The following MRPL48 variants were observed in gnomAD, a reference collection of about 807,000 sequenced individuals.
MRPL48 encodes large ribosomal subunit protein mL48.
A neutral mutation model predicts 32.9 loss-of-function variants in MRPL48; 16 were observed. That is an observed-to-expected ratio of 0.49 (90% CI 0.33 to 0.74). The LOEUF (loss-of-function observed/expected upper bound fraction) is 0.74, where lower values mean the gene tolerates loss of function less well. MRPL48 is among the 30% of genes least tolerant of loss of function. The pLI is 0.02. For synonymous variants in MRPL48, 94 were observed against 89.2 expected, an observed-to-expected ratio of 1.05 and a Z score of -0.31; for missense variants, 206 against 245.3, an observed-to-expected ratio of 0.84 and a Z score of 1.07.
At chr11:73,802,040 G>T (rs977005711) in intron 1 of MRPL48, 1 of 152,116 alleles carries the variant, frequency 6.6e-6, no homozygotes, top group African/African-American at 2.4e-5. Flanking sequence ...GAAGTAGTAG[G>T]CAAACTCTTT....
At chr11:73,835,341 C>A (rs1484278286) in intron 4 of MRPL48, among the ~76,000 whole-genome samples, 1 of 151,620 alleles carries the variant, frequency 6.6e-6, no homozygotes, top group East Asian at 2.0e-4. Context: ...GGAGTTTCAC[C>A]ATTTTGGCTA....
At chr11:73,824,158 C>T (rs1348148078) in intron 3 of MRPL48, among the ~76,000 whole-genome samples, 2 of 151,990 alleles carry the variant, frequency 1.3e-5, no homozygotes, top group East Asian at 1.9e-4. Flanking sequence ...CTGGCCAAGA[C>T]CCTATTTTTT....
intron 4 of MRPL48, among the ~76,000 whole-genome samples, chr11:73,826,071 G>T (rs1201444913): frequency 1.3e-5 from 2 of 151,908 alleles, no homozygotes; most frequent in African/African-American, 4.8e-5. Flanking sequence ...AGGCTGGAGT[G>T]CAGTGCATGA....
chr11:73,794,158 C>T (rs574069321), intron 1 of MRPL48, among the ~76,000 whole-genome samples: 3 of 151,506 alleles, frequency 2.0e-5, no homozygotes, highest in African/African-American at 7.3e-5. Flanking sequence ...TACAGCACTC[C>T]AGCCTGGGTA....
intron 1 of MRPL48, among the ~76,000 whole-genome samples, chr11:73,794,184 GTATCTATC>G (rs56944899): frequency 8.2e-4 from 114 of 139,294 alleles, no homozygotes; most frequent in South Asian, 5.4e-3. Flanking sequence ...GTGAGACCCT[GTATCTATC>G]TATCTATCTA....
intron 5 of MRPL48, among the ~76,000 whole-genome samples, chr11:73,845,913 C>T (rs1215868267): frequency 6.6e-6 from 1 of 151,712 alleles, no homozygotes; most frequent in Non-Finnish European, 1.5e-5. Flanking sequence ...ACTAAAAATA[C>T]AAAAATTAGC....
chr11:73,850,674 T>C, intron 5 of MRPL48: 1 of 249,512 alleles, frequency 4.0e-6, no homozygotes, highest in South Asian at 4.1e-5. Flanking sequence ...GTCTGGGCTA[T>C]ACAATTTTTT....
chr11:73,788,233 G>A (rs1947080289), intron 1 of MRPL48, among the ~76,000 whole-genome samples: 2 of 152,090 alleles, frequency 1.3e-5, no homozygotes, highest in African/African-American at 4.8e-5. Flanking sequence ...CACACCACAT[G>A]CCACTCTCTC....
intron 3 of MRPL48, 23 bp downstream of exon 3, chr11:73,808,373 A>AG: frequency 6.3e-7 from 1 of 1,598,562 alleles, no homozygotes; most frequent in Non-Finnish European, 8.5e-7. Context: ...TACCTGATGT[A>AG]GTTGGCCTGC....
chr11:73,790,942 G>A (rs1947141183), intron 1 of MRPL48, among the ~76,000 whole-genome samples: 1 of 139,674 alleles, frequency 7.2e-6, no homozygotes, highest in Admixed American at 7.8e-5. Context: ...CTGTAGTGCA[G>A]TAGCACAATC....
intron 4 of MRPL48, among the ~76,000 whole-genome samples, chr11:73,834,980 C>T (rs1343850703): frequency 2.0e-5 from 3 of 150,074 alleles, no homozygotes; most frequent in South Asian, 2.1e-4. Flanking sequence ...CACAGGTACA[C>T]GCCATCACAC....
intron 3 of MRPL48, among the ~76,000 whole-genome samples, chr11:73,823,253 C>T (rs1947814449): frequency 6.6e-6 from 1 of 152,160 alleles, no homozygotes; most frequent in Non-Finnish European, 1.5e-5. Flanking sequence ...CTGACTTAGA[C>T]TTCTTCACAC....
At chr11:73,799,962 G>A (rs1246376239) in intron 1 of MRPL48, among the ~76,000 whole-genome samples, 4 of 152,134 alleles carry the variant, frequency 2.6e-5, no homozygotes, top group African/African-American at 4.8e-5. Flanking sequence ...AAGAATAGAA[G>A]GGATGGACTT....
intron 3 of MRPL48, among the ~76,000 whole-genome samples, chr11:73,810,404 C>T (rs1375513984): frequency 6.6e-6 from 1 of 152,088 alleles, no homozygotes; most frequent in East Asian, 1.9e-4. Context: ...GCCTGTAATC[C>T]CAGCTACTCG....
At chr11:73,844,419 G>C (rs995956221) in intron 4 of MRPL48, among the ~76,000 whole-genome samples, 2 of 152,218 alleles carry the variant, frequency 1.3e-5, no homozygotes, top group African/African-American at 4.8e-5. Context: ...GTGACAGGGT[G>C]AGACTGTCTC....
At position 73,844,946 on chromosome 11, in the gene MRPL48, G is replaced by A; in HGVS notation, c.341G>A (p.Cys114Tyr). The change falls in exon 5 of 8, where the codon TGC becomes TAC. Residue 114 changes from cysteine to tyrosine, a missense_variant. Physicochemically the swap from Cys to Tyr is radical, Grantham distance 194 (BLOSUM62 -2). Coordinates refer to ENST00000310614, the MANE Select transcript of MRPL48 (RefSeq NM_016055.6). ...TATGCCCAGTATGTTCACAACCTCT[G>A]CAACTCTCTCTCCATTAAAGTCGAG... The part of the protein sequence containing the change: ...ESYAQYVHNL[C>Y]NSLSIKVEES... 6.2e-7 allele frequency: 1 copy of A among 1,610,990 alleles called. No homozygotes were observed. Among genetic ancestry groups the A allele is most frequent in the Non-Finnish European group, 8.5e-7 (1 of 1,178,080 alleles).
chr11:73,830,124 C>T (rs1315915488), intron 4 of MRPL48, among the ~76,000 whole-genome samples: 1 of 152,170 alleles, frequency 6.6e-6, no homozygotes, highest in Non-Finnish European at 1.5e-5. Context: ...GGGTAGAAGT[C>T]TCAGTTTTCT....
intron 3 of MRPL48, among the ~76,000 whole-genome samples, chr11:73,809,098 T>C (rs1947518704): frequency 6.6e-6 from 1 of 152,136 alleles, no homozygotes; most frequent in Non-Finnish European, 1.5e-5. Flanking sequence ...ACTGTGCCAC[T>C]GCACTGCAGC....
In MRPL48 at chr11:73,854,230, C is replaced by T. The variant is rs561141783; in HGVS notation, c.372-5677C>T. On this transcript the variant is annotated intron_variant, in intron 5 of 7. Transcript: ENST00000310614. ...GCCACATAGCTAAGTTTCTGGTTCC[C>T]CCACAGTTGGTGTGTTCACATAAGA... 2.6e-4 allele frequency among the ~76,000 whole-genome samples: 39 copies of T among 152,292 alleles called. No individual in the cohort carries two copies. In the South Asian group the frequency reaches 7.9e-3, roughly 31 times the overall value.
Sources: gnomAD v4.1 joint callset for allele counts (sites outside exome capture counted in the v4.1 genomes callset) on GRCh38, gnomAD v4.1.1 for gene constraint, MANE v1.5 for transcripts, NCBI Gene and HGNC (gene_info 2026-07-23, HGNC 2026-07-21) for gene names.